Variants in PRKN observed in about 807,000 individuals in gnomAD.
PRKN encodes E3 ubiquitin-protein ligase parkin.
PRKN carries 56 observed loss-of-function variants against 59.5 expected under a neutral mutation model. The ratio of observed to expected loss-of-function variants is 0.94; its 90% CI spans 0.76 to 1.18. PRKN has a LOEUF of 1.18. Among genes scored for constraint, PRKN ranks in the 50% most tolerant of loss-of-function variants. The pLI, the probability that PRKN is intolerant of heterozygous loss-of-function variation, is 0.00. For synonymous variants in PRKN, 250 were observed against 222.1 expected (o/e 1.13, Z -1.12); for missense variants, 657 against 596.4 (o/e 1.10, Z -1.06).
At chr6:161,692,291 C>G (rs1161654863) in intron 7 of PRKN, among the ~76,000 whole-genome samples, 2 of 152,012 alleles carry the variant, frequency 1.3e-5, no homozygotes, top group East Asian at 3.9e-4. Flanking sequence ...ATAGTAAAAA[C>G]CCAACTCCTT....
At chr6:162,712,958 T>C (rs1224427381) in intron 1 of PRKN, among the ~76,000 whole-genome samples, 1 of 152,212 alleles carries the variant, frequency 6.6e-6, no homozygotes, top group Non-Finnish European at 1.5e-5. Flanking sequence ...GAAGGGGCAC[T>C]ATTACCACCA....
intron 5 of PRKN, among the ~76,000 whole-genome samples, chr6:162,016,203 A>G (rs1305240831): frequency 2.0e-5 from 3 of 152,194 alleles, no homozygotes; most frequent in African/African-American, 7.2e-5. Flanking sequence ...TGTTGTTCCA[A>G]TTTATTTTCT....
At chr6:161,900,658 ATATAT>A (rs1016442515) in intron 6 of PRKN, among the ~76,000 whole-genome samples, 8 of 132,188 alleles carry the variant, frequency 6.1e-5, no homozygotes, top group Non-Finnish European at 9.3e-5. Context: ...TATATATAAC[ATATAT>A]TATATATGTT....
chr6:161,511,236 A>T (rs1778377413), intron 9 of PRKN, among the ~76,000 whole-genome samples: 1 of 152,258 alleles, frequency 6.6e-6, no homozygotes, highest in South Asian at 2.1e-4. Context: ...GCACTGCAGG[A>T]GCAGTTCAAT....
intron 2 of PRKN, among the ~76,000 whole-genome samples, chr6:162,315,340 G>A (rs908118034): frequency 2.6e-5 from 4 of 152,120 alleles, no homozygotes; most frequent in Non-Finnish European, 5.9e-5. Flanking sequence ...GGCTTTATTC[G>A]GTTAATTCAG....
At position 161,390,557 on chromosome 6, in the gene PRKN, C is replaced by G. The variant is rs558569407; in HGVS notation, c.1084-3680G>C. On this transcript the variant is annotated intron_variant, in intron 9 of 11. Transcript: ENST00000366898. The surrounding 1 kb of genome is among the most constrained non-coding windows in gnomAD (Gnocchi z 7.0). Reference sequence around the variant, plus strand: ...AGGCTGGAGTGCAGTGGCACCATCTCGGCTCACTGCAACCTCCGCCTCCCG... The same window carrying G: ...AGGCTGGAGTGCAGTGGCACCATCTGGGCTCACTGCAACCTCCGCCTCCCG... Among the ~76,000 whole-genome samples the G allele has an allele frequency of 3.3e-5, 5 of 152,166 alleles. No homozygotes were observed. The highest frequency in any genetic ancestry group is 3.3e-4 in the Admixed American group (5 of 15,282).
rs376984281 is a variant in PRKN, at chr6:161,529,427, G to C, written c.1083+19427C>G. ...CAATACCAGCATGCAAGAAAGCTCC[G>C]AGTCTTAGAGATGGAAGAGGCCTCC... On this transcript the variant is annotated intron_variant, in intron 9 of 11. Transcript: ENST00000366898. This position sits in a 1 kb window ranked among gnomAD's most constrained non-coding sequence, Gnocchi z 4.4. Among the ~76,000 whole-genome samples the C allele has an allele frequency of 6.6e-6, 1 of 152,252 alleles. No individual in the cohort carries two copies. The highest frequency in any genetic ancestry group is 2.4e-5 in the African/African-American group (1 of 41,524).
At chr6:162,664,446 C>A (rs1347895126) in intron 1 of PRKN, among the ~76,000 whole-genome samples, 1 of 152,118 alleles carries the variant, frequency 6.6e-6, no homozygotes, top group Non-Finnish European at 1.5e-5. Context: ...ATTTATGGTT[C>A]TAGGTCCTTG....
intron 5 of PRKN, among the ~76,000 whole-genome samples, chr6:161,979,160 G>GT (rs202110787): frequency 4.7e-4 from 70 of 149,834 alleles, no homozygotes; most frequent in Non-Finnish European, 7.9e-4. Context: ...CCAGTTTTTT[G>GT]TTTTTGTTTT....
chr6:162,474,321 A>G (rs150768415), intron 1 of PRKN, among the ~76,000 whole-genome samples: 204 of 152,322 alleles, frequency 1.3e-3, no homozygotes, highest in African/African-American at 4.7e-3. Flanking sequence ...AGAGTAATCT[A>G]CATGTATTTA....
chr6:161,520,887 C>T (rs1267444107), intron 9 of PRKN, among the ~76,000 whole-genome samples: 2 of 152,180 alleles, frequency 1.3e-5, no homozygotes, highest in African/African-American at 4.8e-5. Context: ...AGATGCTTAC[C>T]TAGTATCTGA....
At chr6:162,416,025 C>G (rs934556138) in intron 2 of PRKN, among the ~76,000 whole-genome samples, 9 of 152,072 alleles carry the variant, frequency 5.9e-5, no homozygotes, top group Non-Finnish European at 1.3e-4. Context: ...GTCTTTAAAT[C>G]AGGCATGCCA....
At chr6:161,615,773 C>T (rs1782670767) in intron 7 of PRKN, among the ~76,000 whole-genome samples, 1 of 152,224 alleles carries the variant, frequency 6.6e-6, no homozygotes, top group Non-Finnish European at 1.5e-5. Flanking sequence ...CAATGGGGAG[C>T]TGATGGCTGC....
intron 1 of PRKN, among the ~76,000 whole-genome samples, chr6:162,546,079 T>C (rs887916957): frequency 2.0e-5 from 3 of 151,218 alleles, no homozygotes; most frequent in African/African-American, 7.3e-5. Context: ...CAAAAGCAAT[T>C]ACCATGTAAA....
chr6:162,365,822 T>C (rs986547886), intron 2 of PRKN, among the ~76,000 whole-genome samples: 1 of 152,228 alleles, frequency 6.6e-6, no homozygotes, highest in Non-Finnish European at 1.5e-5. Flanking sequence ...TCTTACTGTT[T>C]ACTGTTTTCA....
At position 161,548,763 on chromosome 6, in the gene PRKN, A is replaced by C. The variant is rs1006599682; in HGVS notation, c.1083+91T>G. 8.1e-7 allele frequency: 1 copy of C among 1,228,084 alleles called. No individual in the cohort carries two copies. Among genetic ancestry groups the C allele is most frequent in the Admixed American group, 2.1e-5 (1 of 47,894 alleles). The allele number at this position is 1,228,084 out of a possible 1,614,324, so 76.1% of individuals were successfully genotyped here. The stretch of plus-strand genomic sequence containing the variant: ...AAAGATGTCTAAGTCCAAAGGGAAA[A>C]TGAAAATAAAATAAAAATATAATCC... On this transcript the variant is annotated intron_variant, in intron 9 of 11. Coordinates refer to ENST00000366898, the MANE Select transcript of PRKN (RefSeq NM_004562.3). The surrounding 1 kb of genome is among the most constrained non-coding windows in gnomAD (Gnocchi z 4.2).
At chr6:161,699,644 T>A (rs573329871) in intron 7 of PRKN, among the ~76,000 whole-genome samples, 5 of 152,096 alleles carry the variant, frequency 3.3e-5, no homozygotes, top group African/African-American at 1.2e-4. Context: ...ATTTATATAA[T>A]AAAAATTTCA....
At chr6:161,988,794 C>T (rs1016637808) in intron 5 of PRKN, among the ~76,000 whole-genome samples, 3 of 152,100 alleles carry the variant, frequency 2.0e-5, no homozygotes, top group Admixed American at 6.5e-5. Flanking sequence ...GTTAAAGCTA[C>T]CCAATGGATA....
chr6:161,405,607 AAAATAAATAAATAAATAAATAAAT>A lies in PRKN; in HGVS notation c.1084-18754_1084-18731del, dbSNP rs10655203. Among the ~76,000 whole-genome samples, 2 of 145,030 alleles carry A rather than the reference AAAATAAATAAATAAATAAATAAAT, an allele frequency of 1.4e-5. No homozygotes were observed. Among genetic ancestry groups the A allele is most frequent in the Non-Finnish European group, 3.0e-5 (2 of 66,442 alleles). On this transcript the variant is annotated intron_variant, in intron 9 of 11. Transcript: ENST00000366898. This position sits in a 1 kb window ranked among gnomAD's most constrained non-coding sequence, Gnocchi z 5.1. ...AAAAAATAAAATAAAATAAAAATTA[AAAATAAATAAATAAATAAATAAAT>A]AAATAAATAAATAAATAAATTTGGG...
Sources: allele counts gnomAD v4.1 joint callset (sites outside exome capture counted in the v4.1 genomes callset), GRCh38; gene constraint gnomAD v4.1.1; non-coding constraint Gnocchi (gnomAD v3.1); transcripts MANE v1.5; gene names NCBI Gene and HGNC (gene_info 2026-07-23, HGNC 2026-07-21).